The following DYNC2H1 variants were observed in gnomAD, a reference collection of about 807,000 sequenced individuals.
DYNC2H1 encodes the protein cytoplasmic dynein 2 heavy chain 1.
In DYNC2H1, 410 loss-of-function variants were observed where a neutral mutation model predicts 570.0. That is an observed-to-expected ratio of 0.72 (90% CI 0.66 to 0.78). DYNC2H1 has a LOEUF of 0.78. Ranked by LOEUF, DYNC2H1 falls within the 30% of genes least tolerant of loss-of-function variation. The pLI, the probability that DYNC2H1 is intolerant of heterozygous loss-of-function variation, is 0.00. For synonymous variants in DYNC2H1, 1,688 were observed against 1,677.6 expected (o/e 1.01, Z -0.15); for missense variants, 4,865 against 5,046.4 (o/e 0.96, Z 1.09).
intron 75 of DYNC2H1, among the ~76,000 whole-genome samples, chr11:103,301,936 T>C (rs372985317): frequency 5.3e-5 from 8 of 152,122 alleles, no homozygotes; most frequent in Middle Eastern, 6.8e-3. Context: ...CTCCTAATTT[T>C]TCGTTTATTT....
intron 55 of DYNC2H1, among the ~76,000 whole-genome samples, chr11:103,219,637 T>TA (rs1863512163): frequency 6.6e-6 from 1 of 151,960 alleles, no homozygotes. Context: ...AGGAGAAAAT[T>TA]ACGTTTTTCT....
intron 13 of DYNC2H1, among the ~76,000 whole-genome samples, chr11:103,131,721 AT>A (rs911586912): frequency 5.5e-4 from 83 of 149,670 alleles, no homozygotes; most frequent in East Asian, 3.7e-3. Context: ...CATATTTGAC[AT>A]TTTTTTTTTA....
At chr11:103,316,100 A>C (rs867375610) in intron 79 of DYNC2H1, among the ~76,000 whole-genome samples, 1 of 151,986 alleles carries the variant, frequency 6.6e-6, no homozygotes, top group Admixed American at 6.6e-5. Context: ...AATTTTATTT[A>C]GTTCTGATAC....
intron 83 of DYNC2H1, among the ~76,000 whole-genome samples, chr11:103,380,146 G>C (rs956203332): frequency 4.6e-5 from 7 of 152,144 alleles, no homozygotes; most frequent in Non-Finnish European, 1.0e-4. Context: ...GAGTCATCCA[G>C]GTTCTCATCT....
chr11:103,125,117 G>T lies in DYNC2H1; in HGVS notation c.1679G>T (p.Arg560Leu), dbSNP rs561232842. ...RSGLCIEASSRIMELDSNDGL... is the reference protein window; with the variant it reads ...RSGLCIEASSLIMELDSNDGL... ...TTTTATAGTATTGAGGCTAGTAGTC[G>T]AATTATGGAATTGGATTCTAATGAT... Residue 560 changes from arginine to leucine, a missense_variant, in exon 12 of 89, where the codon CGA becomes CTA. By Grantham distance (102) the Arg-to-Leu change is moderately radical. Around this residue, in one of 5 missense-constraint regions of DYNC2H1, gnomAD observed 1,936 missense variants for 1,962.1 expected, o/e 0.99. Coordinates refer to ENST00000375735, the MANE Select transcript of DYNC2H1 (RefSeq NM_001377.3). 8.7e-6 allele frequency: 14 copies of T among 1,612,644 alleles called. No individual in the cohort carries two copies. In the East Asian group the frequency reaches 2.9e-4, roughly 33 times the overall value.
chr11:103,175,322 T>A (rs1046563139), intron 36 of DYNC2H1, among the ~76,000 whole-genome samples: 6 of 152,228 alleles, frequency 3.9e-5, no homozygotes, highest in African/African-American at 1.4e-4. Flanking sequence ...TATTATTAGG[T>A]TGGCGTATGC....
chr11:103,278,945 A>G (rs560434813), intron 70 of DYNC2H1, among the ~76,000 whole-genome samples: 2 of 152,332 alleles, frequency 1.3e-5, no homozygotes, highest in African/African-American at 2.4e-5. Flanking sequence ...ATTGTAGGCA[A>G]TAGGGTTGCA....
chr11:103,424,377 T>C (rs1591733082), intron 84 of DYNC2H1, among the ~76,000 whole-genome samples: 2 of 152,258 alleles, frequency 1.3e-5, no homozygotes, highest in African/African-American at 4.8e-5. Context: ...ACAACTTGAA[T>C]TTTCAGATAT....
intron 87 of DYNC2H1, 44 bp from the exon 88 acceptor site, chr11:103,468,545 C>A (rs772092312): frequency 9.2e-6 from 13 of 1,418,582 alleles, no homozygotes; most frequent in Non-Finnish European, 3.0e-6. Context: ...CTGACATTTG[C>A]GACTTTAATG....
chr11:103,200,056 T>G lies in DYNC2H1; in HGVS notation c.8099T>G (p.Leu2700Arg). The change falls in exon 50 of 89, where the codon CTT becomes CGT. Residue 2700 changes from leucine (L) to arginine (R), a missense_variant. Coordinates refer to ENST00000375735, the MANE Select transcript of DYNC2H1 (RefSeq NM_001377.3). ...TTTCTGATTTTGCAGGTGCTGCAACTTGCAGGAATTGAAGCACAACAGGTA... is the reference window on the plus strand; with the variant it reads ...TTTCTGATTTTGCAGGTGCTGCAACGTGCAGGAATTGAAGCACAACAGGTA... ...FKNDLKHVLQ[L>R]AGIEAQQVVL... is the part of the protein sequence containing the mutation. The G allele has an allele frequency of 6.3e-7, 1 of 1,582,822 alleles. No homozygotes were observed. Among genetic ancestry groups the G allele is most frequent in the South Asian group, 1.2e-5 (1 of 86,326 alleles).
chr11:103,153,262 T>G (rs1860654191), intron 21 of DYNC2H1, 41 bp from the exon 22 acceptor site: 1 of 1,469,040 alleles, frequency 6.8e-7, no homozygotes, highest in Admixed American at 2.9e-5. Flanking sequence ...AAAATGAAAT[T>G]TTACTCTGCA....
chr11:103,147,832 T>A lies in DYNC2H1; in HGVS notation c.2763T>A (p.Asp921Glu). 1 of 1,612,174 alleles carries A rather than the reference T, an allele frequency of 6.2e-7. No homozygotes were observed. The highest frequency in any genetic ancestry group is 8.5e-7 in the Non-Finnish European group (1 of 1,179,288). The change falls in exon 19 of 89, where the codon GAT (aspartate) becomes GAA (glutamate). Residue 921 changes from aspartate to glutamate, a missense_variant. This residue lies in a region of DYNC2H1 where 1,936 missense variants were observed against 1,962.1 expected (regional missense o/e 0.99). Coordinates refer to ENST00000375735, the MANE Select transcript of DYNC2H1 (RefSeq NM_001377.3). ...NCNPVKTVID[D>E]LIQKLFDLLV... is the part of the protein sequence containing the mutation. ...ACCCTGTGAAGACTGTGATTGATGA[T>A]CTCATCCAGAAGTTATTTGATCTGC...
At chr11:103,386,004 A>G (rs12282650) in intron 83 of DYNC2H1, among the ~76,000 whole-genome samples, 5,363 of 152,324 alleles carry the variant, frequency 0.035, 311 homozygotes, top group African/African-American at 0.12. Flanking sequence ...AATCTGATCT[A>G]GAATACCTCT....
At chr11:103,401,823 T>A (rs1356998390) in intron 84 of DYNC2H1, among the ~76,000 whole-genome samples, 1 of 152,156 alleles carries the variant, frequency 6.6e-6, no homozygotes, top group Non-Finnish European at 1.5e-5. Context: ...CAAGCATTTA[T>A]CTGGTATCAT....
intron 87 of DYNC2H1, among the ~76,000 whole-genome samples, chr11:103,463,039 G>A (rs1160840908): frequency 1.3e-5 from 2 of 152,152 alleles, no homozygotes; most frequent in East Asian, 3.8e-4. Context: ...TATGTTTGCA[G>A]TTAAATGGAC....
At chr11:103,343,513 C>T (rs1188461562) in intron 82 of DYNC2H1, among the ~76,000 whole-genome samples, 4 of 152,242 alleles carry the variant, frequency 2.6e-5, no homozygotes, top group South Asian at 4.2e-4. Context: ...GGTGGGGAGA[C>T]TATCTGGAAT....
intron 71 of DYNC2H1, among the ~76,000 whole-genome samples, chr11:103,281,771 G>A (rs549812482): frequency 8.0e-5 from 12 of 150,628 alleles, no homozygotes; most frequent in South Asian, 4.2e-4. Context: ...AAAAAAATGC[G>A]TTAATGGAAT....
In DYNC2H1 at chr11:103,151,506, A is replaced by G. The variant is rs1294754834; in HGVS notation, c.2947-630A>G. On this transcript the variant is annotated intron_variant, in intron 20 of 88. Coordinates refer to ENST00000375735, the MANE Select transcript of DYNC2H1 (RefSeq NM_001377.3). The surrounding 1 kb of genome is among the most constrained non-coding windows in gnomAD (Gnocchi z 4.6). The stretch of plus-strand genomic sequence containing the variant: ...TAGTAAAAGTACAGATATTAATTAT[A>G]GGATACTGTTGTTTTACAGAGCTTT... Among the ~76,000 whole-genome samples, 1 of 152,190 alleles carries G rather than the reference A, an allele frequency of 6.6e-6. No homozygotes were observed. Among genetic ancestry groups the G allele is most frequent in the Admixed American group, 6.5e-5 (1 of 15,272 alleles).
chr11:103,473,277 A>T (rs1379214336), intron 88 of DYNC2H1, among the ~76,000 whole-genome samples: 1 of 144,310 alleles, frequency 6.9e-6, no homozygotes, highest in Non-Finnish European at 1.5e-5. Context: ...TTATTCATTC[A>T]TGAAACAGAT....
Sources: gnomAD v4.1 joint callset for allele counts (sites outside exome capture counted in the v4.1 genomes callset) on GRCh38, gnomAD v4.1.1 for gene constraint, gnomAD v4.1.1 regional missense constraint, Gnocchi (gnomAD v3.1) non-coding constraint, MANE v1.5 for transcripts, NCBI Gene and HGNC (gene_info 2026-07-23, HGNC 2026-07-21) for gene names.